The following ROBO2 variants were observed in gnomAD, a reference collection of about 807,000 sequenced individuals.
The protein encoded by ROBO2 is roundabout homolog 2.
Under a neutral mutation model 160.8 loss-of-function variants are expected in ROBO2, and 53 were observed. The ratio of observed to expected loss-of-function variants is 0.33; its 90% CI spans 0.26 to 0.41. The LOEUF (loss-of-function observed/expected upper bound fraction) is 0.41, where lower values mean the gene tolerates loss of function less well. Among genes scored for constraint, ROBO2 ranks in the 10% least tolerant of loss-of-function variants. The pLI, the probability that ROBO2 is intolerant of heterozygous loss-of-function variation, is 1.00. For missense variants in ROBO2, 1,577 were observed against 1,722.4 expected (o/e 0.92, Z 1.49); for synonymous variants, 664 against 611.7 (o/e 1.09, Z -1.26).
intron 2 of ROBO2, among the ~76,000 whole-genome samples, chr3:76,439,837 C>G (rs575111176): frequency 6.6e-6 from 1 of 152,234 alleles, no homozygotes; most frequent in East Asian, 1.9e-4. Context: ...TTGCCGTTGA[C>G]TTGAGGGGAT....
intron 2 of ROBO2, among the ~76,000 whole-genome samples, chr3:76,685,349 A>C (rs1339243728): frequency 6.6e-6 from 1 of 152,084 alleles, no homozygotes; most frequent in Non-Finnish European, 1.5e-5. Flanking sequence ...CTGTGCTTCA[A>C]ATTATCGTAA....
intron 1 of ROBO2, among the ~76,000 whole-genome samples, chr3:77,072,802 C>A (rs1374285159): frequency 6.6e-6 from 1 of 152,184 alleles, no homozygotes; most frequent in Non-Finnish European, 1.5e-5. Flanking sequence ...AACTTCATCA[C>A]CCTTGGTTTG....
Position 77,294,863 on chromosome 3 carries a change from A to G in ROBO2, c.389-182551A>G, listed in dbSNP as rs1392281002. Among the ~76,000 whole-genome samples the G allele has an allele frequency of 6.5e-4, 99 of 151,318 alleles. 1 individual carries two copies. The highest frequency in any genetic ancestry group is 1.6e-4 in the Non-Finnish European group (11 of 67,852). ...TTAAACGGGAAGTTGAGGCTAGAAC[A>G]GTAAAGACATAAAGTAAAATTGACA... On this transcript the variant is annotated intron_variant, in intron 2 of 25. Coordinates refer to ENST00000461745, the Ensembl canonical transcript of ROBO2.
intron 2 of ROBO2, among the ~76,000 whole-genome samples, chr3:76,496,895 C>T (rs1359227804): frequency 1.3e-5 from 2 of 152,184 alleles, no homozygotes; most frequent in Non-Finnish European, 2.9e-5. Flanking sequence ...CTTCAGCTTT[C>T]ACTCTTGCCC....
chr3:76,171,675 C>G (rs1444037954), intron 2 of ROBO2, among the ~76,000 whole-genome samples: 1 of 151,450 alleles, frequency 6.6e-6, no homozygotes, highest in Non-Finnish European at 1.5e-5. Flanking sequence ...ATGCGTAAGA[C>G]CCAAAAGAAA....
At chr3:77,422,687 G>A (rs1169715265) in intron 2 of ROBO2, among the ~76,000 whole-genome samples, 2 of 152,112 alleles carry the variant, frequency 1.3e-5, no homozygotes, top group East Asian at 3.8e-4. Flanking sequence ...CCCCTGGTTG[G>A]ATTGTTCTGT....
chr3:76,207,249 A>G (rs1702871977), intron 2 of ROBO2, among the ~76,000 whole-genome samples: 1 of 152,174 alleles, frequency 6.6e-6, no homozygotes, highest in Non-Finnish European at 1.5e-5. Flanking sequence ...TAAAATTTTA[A>G]ATAAATACTG....
At chr3:76,884,150 T>G (rs2148768290) in intron 2 of ROBO2, among the ~76,000 whole-genome samples, 1 of 152,330 alleles carries the variant, frequency 6.6e-6, no homozygotes, top group South Asian at 2.1e-4. Context: ...TAATAGAAGT[T>G]AAGTTTAAAT....
intron 2 of ROBO2, among the ~76,000 whole-genome samples, chr3:77,359,149 A>G (rs1174940145): frequency 6.6e-6 from 1 of 152,244 alleles, no homozygotes; most frequent in East Asian, 1.9e-4. Flanking sequence ...ACAAAGATGC[A>G]AAAGAAACAA....
chr3:77,494,331 C>T (rs762325535), intron 5 of ROBO2, among the ~76,000 whole-genome samples: 3 of 152,022 alleles, frequency 2.0e-5, no homozygotes, highest in African/African-American at 7.2e-5. Context: ...AATCCCAACA[C>T]TTTGGGAGGC....
intron 17 of ROBO2, among the ~76,000 whole-genome samples, chr3:77,590,418 A>T (rs1319947487): frequency 6.6e-6 from 1 of 152,116 alleles, no homozygotes; most frequent in African/African-American, 2.4e-5. Context: ...ATGATACTTT[A>T]ATGTACCTTC....
chr3:77,390,934 T>A (rs1433201796), intron 2 of ROBO2, among the ~76,000 whole-genome samples: 1 of 152,034 alleles, frequency 6.6e-6, no homozygotes, highest in South Asian at 2.1e-4. Flanking sequence ...ATGAAAGTTT[T>A]CCCTCCCTTC....
At position 77,645,112 on chromosome 3, in the gene ROBO2, G is replaced by A. The variant is rs116184109; in HGVS notation, c.4135+208G>A. On this transcript the variant is annotated intron_variant, in intron 25 of 25. Coordinates refer to ENST00000461745, the Ensembl canonical transcript of ROBO2. ...TTTATAAATGTTTCTGCTATTTCAC[G>A]TTGGATTTATGCTATAAAAATTGTT... is the stretch of plus-strand genomic sequence containing the variant. 4.4e-3 allele frequency among the ~76,000 whole-genome samples: 669 copies of A among 152,230 alleles called. 2 individuals carry two copies. Among genetic ancestry groups the A allele is most frequent in the Non-Finnish European group, 6.7e-3 (458 of 68,006 alleles).
At position 77,619,824 on chromosome 3, in the gene ROBO2, A is replaced by C. The variant is rs78575001; in HGVS notation, c.3554+2051A>C. On this transcript the variant is annotated intron_variant, in intron 22 of 25. Coordinates refer to ENST00000461745, the Ensembl canonical transcript of ROBO2. ...AGATTACCTCCCAGGAGTAGAGGGCAAAGGCCTAACCTCTCTTGGGTCGAG... is the reference window on the plus strand; with the variant it reads ...AGATTACCTCCCAGGAGTAGAGGGCCAAGGCCTAACCTCTCTTGGGTCGAG... Among the ~76,000 whole-genome samples the C allele has an allele frequency of 5.1e-3, 779 of 152,334 alleles. 13 individuals carry two copies. The highest frequency in any genetic ancestry group is 0.018 in the African/African-American group (754 of 41,580).
At chr3:76,568,235 G>T (rs181820055) in intron 2 of ROBO2, among the ~76,000 whole-genome samples, 4 of 151,910 alleles carry the variant, frequency 2.6e-5, no homozygotes, top group Admixed American at 2.0e-4. Context: ...ATTTTCTCTG[G>T]TATTCTTATG....
At chr3:77,227,536 G>GCACAGC (rs2151254367) in intron 2 of ROBO2, among the ~76,000 whole-genome samples, 1 of 152,274 alleles carries the variant, frequency 6.6e-6, no homozygotes, top group African/African-American at 2.4e-5. Context: ...GAAACACCCA[G>GCACAGC]CACAGCCCAT....
intron 6 of ROBO2, among the ~76,000 whole-genome samples, chr3:77,536,599 A>G (rs762359978): frequency 6.6e-6 from 1 of 152,194 alleles, no homozygotes; most frequent in African/African-American, 2.4e-5. Flanking sequence ...AATGTGTTGT[A>G]ACATGCTTGA....
intron 2 of ROBO2, among the ~76,000 whole-genome samples, chr3:76,165,271 C>T (rs2072789589): frequency 6.6e-6 from 1 of 152,130 alleles, no homozygotes; most frequent in South Asian, 2.1e-4. Context: ...GCACTTGCTG[C>T]TTCACCTTGC....
chr3:76,564,726 C>T lies in ROBO2; in HGVS notation c.110-533288C>T, dbSNP rs574037132. Among the ~76,000 whole-genome samples, 3 of 152,242 alleles carry T rather than the reference C, an allele frequency of 2.0e-5. No individual in the cohort carries two copies. In the South Asian group the frequency reaches 6.2e-4, roughly 32 times the overall value. Reference sequence around the variant, plus strand: ...ACACAGGTGGGGACAGGCCAGATTTCGATTTCATAGTTCACATTTTTCTAA... The same window carrying T: ...ACACAGGTGGGGACAGGCCAGATTTTGATTTCATAGTTCACATTTTTCTAA... On this transcript the variant is annotated intron_variant, in intron 2 of 26. Transcript: ENST00000487694.
Sources: allele counts gnomAD v4.1 joint callset (sites outside exome capture counted in the v4.1 genomes callset), GRCh38; gene constraint gnomAD v4.1.1; transcripts MANE v1.5; gene names NCBI Gene and HGNC (gene_info 2026-07-23, HGNC 2026-07-21).